COL25A1: variants seen among roughly 807,000 people sequenced by gnomAD.
COL25A1 encodes the protein collagen alpha-1(XXV) chain.
In COL25A1, 103 loss-of-function variants were observed where a neutral mutation model predicts 128.4. The ratio of observed to expected loss-of-function variants is 0.80; its 90% confidence interval spans 0.68 to 0.94. The LOEUF (loss-of-function observed/expected upper bound fraction) is 0.94. Ranked by LOEUF, COL25A1 falls within the 40% of genes least tolerant of loss-of-function variation. The pLI is 0.00. For missense variants in COL25A1, 745 were observed against 840.0 expected, an observed-to-expected ratio of 0.89 and a Z score of 1.40; for synonymous variants, 279 against 277.2, an observed-to-expected ratio of 1.01 and a Z score of -0.06.
intron 3 of COL25A1, among the ~76,000 whole-genome samples, chr4:109,065,755 T>C (rs1762397242): frequency 6.6e-6 from 1 of 152,220 alleles, no homozygotes; most frequent in Non-Finnish European, 1.5e-5. Flanking sequence ...GCCAGTCTAA[T>C]GACTATCTCT....
At chr4:109,219,083 A>G (rs1235292804) in intron 3 of COL25A1, among the ~76,000 whole-genome samples, 1 of 152,102 alleles carries the variant, frequency 6.6e-6, no homozygotes, top group Non-Finnish European at 1.5e-5. Context: ...GAGTTAGTAC[A>G]AACTTTCCCT....
intron 3 of COL25A1, among the ~76,000 whole-genome samples, chr4:109,154,138 T>C (rs975623190): frequency 6.6e-6 from 1 of 152,254 alleles, no homozygotes; most frequent in Non-Finnish European, 1.5e-5. Flanking sequence ...ACATCCTTTA[T>C]GATTATCATC....
At chr4:109,082,976 TATG>T (rs1763989372) in intron 3 of COL25A1, among the ~76,000 whole-genome samples, 1 of 152,162 alleles carries the variant, frequency 6.6e-6, no homozygotes, top group African/African-American at 2.4e-5. Context: ...AGAAATATAA[TATG>T]ATGAGAGAAG....
At chr4:108,833,060 T>C (rs1733357575) in intron 31 of COL25A1, among the ~76,000 whole-genome samples, 3 of 151,894 alleles carry the variant, frequency 2.0e-5, no homozygotes, top group South Asian at 2.1e-4. Flanking sequence ...TTTTCCTTCC[T>C]GTCACCTCTT....
chr4:109,055,491 G>A (rs1247998039), intron 3 of COL25A1, among the ~76,000 whole-genome samples: 2 of 152,174 alleles, frequency 1.3e-5, no homozygotes, highest in African/African-American at 4.8e-5. Context: ...ATTCCAAACC[G>A]AGAGTTCTGT....
rs371430122 is a variant in COL25A1, at chr4:109,151,826, T to C, written c.368-101647A>G. 1.8e-4 allele frequency among the ~76,000 whole-genome samples: 28 copies of C among 152,182 alleles called. 1 individual carries two copies. The highest frequency in any genetic ancestry group is 2.6e-4 in the Non-Finnish European group (18 of 68,000). ...TCTGATCTGATTGCATCAGGCAATA[T>C]AGGCCAAGAATAAAGAAATTGTTAC... On this transcript the variant is annotated intron_variant, in intron 3 of 37. Transcript: ENST00000399132.
At chr4:108,878,744 T>TC (rs1739754400) in intron 19 of COL25A1, among the ~76,000 whole-genome samples, 1 of 152,172 alleles carries the variant, frequency 6.6e-6, no homozygotes, top group South Asian at 2.1e-4. Context: ...ACTTTTTTTT[T>TC]CTTAACTGGC....
At chr4:109,160,491 G>A (rs1236230602) in intron 3 of COL25A1, among the ~76,000 whole-genome samples, 1 of 152,104 alleles carries the variant, frequency 6.6e-6, no homozygotes, top group East Asian at 1.9e-4. Flanking sequence ...TAAATTGAAG[G>A]TAAAGAAAAG....
intron 8 of COL25A1, among the ~76,000 whole-genome samples, chr4:108,957,328 G>A (rs546786551): frequency 6.6e-6 from 1 of 152,204 alleles, no homozygotes; most frequent in South Asian, 2.1e-4. Flanking sequence ...GAAAACTGAA[G>A]GGAGAGCACA....
intron 13 of COL25A1, among the ~76,000 whole-genome samples, chr4:108,913,555 A>G (rs1744515331): frequency 6.6e-6 from 1 of 151,540 alleles, no homozygotes; most frequent in South Asian, 2.1e-4. Context: ...ACCGCACCCG[A>G]CCTCCAGCTC....
chr4:109,204,490 A>C (rs1016026984), intron 3 of COL25A1, among the ~76,000 whole-genome samples: 2 of 152,176 alleles, frequency 1.3e-5, no homozygotes, highest in African/African-American at 4.8e-5. Flanking sequence ...GAAAAGCAAA[A>C]TACAGTAATG....
At chr4:108,877,009 A>G (rs1739530529) in intron 19 of COL25A1, among the ~76,000 whole-genome samples, 1 of 152,222 alleles carries the variant, frequency 6.6e-6, no homozygotes, top group South Asian at 2.1e-4. Flanking sequence ...TTGGCAACTA[A>G]CCTGGGGTTC....
chr4:109,153,211 C>A (rs566276754), intron 3 of COL25A1, among the ~76,000 whole-genome samples: 1 of 151,636 alleles, frequency 6.6e-6, no homozygotes, highest in South Asian at 2.1e-4. Flanking sequence ...CATGGAGAAA[C>A]CTCAACTCTA....
intron 8 of COL25A1, among the ~76,000 whole-genome samples, chr4:108,952,531 C>T (rs1356783718): frequency 6.6e-6 from 1 of 152,108 alleles, no homozygotes; most frequent in Non-Finnish European, 1.5e-5. Context: ...TTGTGGAGCT[C>T]AAATTACAGT....
Position 108,965,124 on chromosome 4 carries a change from C to T in COL25A1, c.492+9243G>A, listed in dbSNP as rs866342767. On this transcript the variant is annotated intron_variant, in intron 8 of 37. Transcript: ENST00000399132. Reference sequence around the variant, plus strand: ...ATAAAATAAACTTCTAAATGCTTTCCTTTTCTGGAACTTAATCTGTCTTGC... The same window carrying T: ...ATAAAATAAACTTCTAAATGCTTTCTTTTTCTGGAACTTAATCTGTCTTGC... Among the ~76,000 whole-genome samples the T allele has an allele frequency of 7.2e-5, 11 of 152,276 alleles. No homozygotes were observed. In the Middle Eastern group the frequency reaches 0.017, roughly 235 times the overall value.
intron 5 of COL25A1, among the ~76,000 whole-genome samples, chr4:109,020,693 CTT>C (rs533983109): frequency 2.4e-4 from 37 of 152,158 alleles, no homozygotes; most frequent in African/African-American, 8.9e-4. Context: ...TTTTTTCTCT[CTT>C]ATAACTAACA....
At chr4:108,838,065 T>C (rs1392654754) in intron 31 of COL25A1, 1 of 1,441,526 alleles carries the variant, frequency 6.9e-7, no homozygotes, top group East Asian at 2.5e-5. Flanking sequence ...AAATCTGAGA[T>C]TTGCACTAAA....
intron 3 of COL25A1, among the ~76,000 whole-genome samples, chr4:109,206,090 A>C (rs1776961216): frequency 6.6e-6 from 1 of 152,152 alleles, no homozygotes. Flanking sequence ...ATTCACCAAA[A>C]ACACACTTAA....
intron 3 of COL25A1, among the ~76,000 whole-genome samples, chr4:109,220,882 A>G (rs1778361006): frequency 6.6e-6 from 1 of 152,112 alleles, no homozygotes; most frequent in South Asian, 2.1e-4. Flanking sequence ...TCCTCTGAAA[A>G]GAATATAAGT....
Sources: gnomAD v4.1 joint callset for allele counts (sites outside exome capture counted in the v4.1 genomes callset) on GRCh38, gnomAD v4.1.1 for gene constraint, MANE v1.5 for transcripts, NCBI Gene and HGNC (gene_info 2026-07-23, HGNC 2026-07-21) for gene names.